PIAS1: variants seen among roughly 807,000 people sequenced by gnomAD.
PIAS1 encodes protein inhibitor of activated STAT 1.
A neutral mutation model predicts 71.3 loss-of-function variants in PIAS1; 6 were observed. The observed-to-expected ratio is 0.08, with a 90% confidence interval of 0.05 to 0.17. The LOEUF (loss-of-function observed/expected upper bound fraction) is 0.17, where lower values mean the gene tolerates loss of function less well. PIAS1 is among the 10% of genes least tolerant of loss of function. The probability of loss-of-function intolerance (pLI) is 1.00; values close to 1 mark genes in which losing one functional copy is unlikely to be tolerated. For synonymous variants in PIAS1, 303 were observed against 292.9 expected (o/e 1.03, Z -0.35); for missense variants, 555 against 793.6 (o/e 0.70, Z 3.61).
intron 2 of PIAS1, among the ~76,000 whole-genome samples, chr15:68,106,017 C>T (rs1215775607): frequency 6.6e-6 from 1 of 151,992 alleles, no homozygotes; most frequent in East Asian, 1.9e-4. Flanking sequence ...TTTACCAGTC[C>T]ATTTCAGTTC....
chr15:68,058,326 C>G (rs1222674748), intron 1 of PIAS1, among the ~76,000 whole-genome samples: 1 of 152,098 alleles, frequency 6.6e-6, no homozygotes, highest in Non-Finnish European at 1.5e-5. Flanking sequence ...TAGTACTTTG[C>G]AGTTCATAAT....
intron 4 of PIAS1, among the ~76,000 whole-genome samples, chr15:68,142,697 C>T (rs2092780475): frequency 6.7e-6 from 1 of 150,204 alleles, no homozygotes; most frequent in South Asian, 2.1e-4. Flanking sequence ...TTTGATTGCC[C>T]TCAGTTGGTT....
intron 7 of PIAS1, among the ~76,000 whole-genome samples, chr15:68,163,810 C>A (rs570804151): frequency 3.3e-5 from 5 of 152,286 alleles, no homozygotes; most frequent in African/African-American, 1.2e-4. Context: ...ACCCAACTTA[C>A]GGCCCCTTTG....
chr15:68,183,496 T>C, intron 12 of PIAS1, 134 bp from the exon 13 acceptor site: 1 of 580,138 alleles, frequency 1.7e-6, no homozygotes. Flanking sequence ...AACGTTTAGC[T>C]CAACTCTTCA....
chr15:68,160,859 G>T (rs1011251853), intron 7 of PIAS1, among the ~76,000 whole-genome samples: 10 of 152,122 alleles, frequency 6.6e-5, no homozygotes, highest in African/African-American at 2.4e-4. Flanking sequence ...CATCACTAAT[G>T]GTCTAAAACT....
At chr15:68,121,290 A>G (rs1361953271) in intron 2 of PIAS1, among the ~76,000 whole-genome samples, 1 of 151,310 alleles carries the variant, frequency 6.6e-6, no homozygotes, top group Non-Finnish European at 1.5e-5. Context: ...TGGCACTTCA[A>G]AAATTTTACT....
intron 1 of PIAS1, among the ~76,000 whole-genome samples, chr15:68,080,578 A>G (rs1201211967): frequency 6.6e-6 from 1 of 152,242 alleles, no homozygotes; most frequent in Non-Finnish European, 1.5e-5. Flanking sequence ...ACAGATTGCT[A>G]ATAGCTGCTT....
Position 68,054,542 on chromosome 15 carries a change from TCGGGGGCGCTGA to T in PIAS1, c.24+197_24+208del. ...CGGCGGGCCGCGGGCCCCGGGTGCC[TCGGGGGCGCTGA>T]CGGGTCGTCCCCGGCGTGTTATTGT... On this transcript the variant is annotated intron_variant, in intron 1 of 13. Coordinates refer to ENST00000249636, the MANE Select transcript of PIAS1 (RefSeq NM_016166.3). The surrounding 1 kb of genome is among the most constrained non-coding windows in gnomAD (Gnocchi z 4.6). The T allele has an allele frequency of 2.0e-6, 1 of 503,772 alleles. No individual in the cohort carries two copies. 31.2% of individuals were successfully genotyped at this position (503,772 alleles called of 1,614,324 possible).
At chr15:68,142,071 A>G (rs1343501352) in intron 3 of PIAS1, 41 bp downstream of exon 3, 3 of 1,295,042 alleles carry the variant, frequency 2.3e-6, no homozygotes, top group Non-Finnish European at 3.3e-6. Flanking sequence ...TGACCTTTGA[A>G]TCCAGTAGTC....
chr15:68,074,890 A>G (rs2092141353), intron 1 of PIAS1, among the ~76,000 whole-genome samples: 1 of 151,446 alleles, frequency 6.6e-6, no homozygotes, highest in Non-Finnish European at 1.5e-5. Context: ...ATATGTTAAA[A>G]TGGATGCTAA....
chr15:68,153,610 T>C lies in PIAS1; in HGVS notation c.849T>C (p.Tyr283=). The change falls in exon 7 of 14, where the codon TAT becomes TAC. Residue 283 remains tyrosine, a synonymous_variant. Transcript: ENST00000249636. ...TCCAGAACTATTCCATGGCAGTATA[T>C]CTTGTAAAACAGTTGTCCTCAACAG... ...EIGRNYSMAV[Y]LVKQLSSTVL... 1 of 1,560,414 alleles carries C rather than the reference T, an allele frequency of 6.4e-7. No homozygotes were observed. The highest frequency in any genetic ancestry group is 8.8e-7 in the Non-Finnish European group (1 of 1,133,982).
At chr15:68,151,856 T>G (rs1318005781) in intron 6 of PIAS1, among the ~76,000 whole-genome samples, 1 of 149,490 alleles carries the variant, frequency 6.7e-6, no homozygotes, top group Admixed American at 6.7e-5. Context: ...CGAGACTCTG[T>G]CTCAAATTAA....
rs1195914359 is a variant in PIAS1, at chr15:68,187,181, A to G, written c.1663-361A>G. 2.6e-5 allele frequency among the ~76,000 whole-genome samples: 4 copies of G among 152,292 alleles called. No individual in the cohort carries two copies. The highest frequency in any genetic ancestry group is 7.2e-5 in the African/African-American group (3 of 41,558). On this transcript the variant is annotated intron_variant, in intron 13 of 13. Transcript: ENST00000249636. This position sits in a 1 kb window ranked among gnomAD's most constrained non-coding sequence, Gnocchi z 5.3. ...GGCAGTGAGTCATATTGACTGATAG[A>G]TTTCTTGGCTAAGTATCTCCTTACT...
intron 2 of PIAS1, among the ~76,000 whole-genome samples, chr15:68,118,777 T>C (rs1042543466): frequency 3.9e-5 from 6 of 152,216 alleles, no homozygotes; most frequent in Non-Finnish European, 5.9e-5. Context: ...ATGTATGTCT[T>C]CTTTTAAGAA....
intron 6 of PIAS1, 123 bp from the exon 7 acceptor site, chr15:68,153,467 C>T: frequency 1.7e-6 from 1 of 584,838 alleles, no homozygotes; most frequent in East Asian, 2.9e-5. Flanking sequence ...ACACCTAAGA[C>T]TGCTTGACAC....
chr15:68,119,163 G>A (rs2092591792), intron 2 of PIAS1, among the ~76,000 whole-genome samples: 1 of 147,576 alleles, frequency 6.8e-6, no homozygotes, highest in African/African-American at 2.5e-5. Context: ...ATTTCGGGAG[G>A]CCGAGGTGGG....
chr15:68,130,128 T>C (rs1001647813), intron 2 of PIAS1, among the ~76,000 whole-genome samples: 4 of 151,910 alleles, frequency 2.6e-5, no homozygotes, highest in African/African-American at 4.8e-5. Flanking sequence ...AAATATTTCA[T>C]ATACCCCATA....
At chr15:68,126,327 T>C (rs902500497) in intron 2 of PIAS1, among the ~76,000 whole-genome samples, 49 of 152,218 alleles carry the variant, frequency 3.2e-4, no homozygotes, top group African/African-American at 1.2e-3. Context: ...TCCTGAACTT[T>C]ATTGTCCAGC....
At chr15:68,161,928 C>CA (rs924845295) in intron 7 of PIAS1, among the ~76,000 whole-genome samples, 4 of 150,152 alleles carry the variant, frequency 2.7e-5, no homozygotes, top group African/African-American at 9.8e-5. Context: ...GACTCTGTCT[C>CA]AAAAAAAATT....
Sources: allele counts gnomAD v4.1 joint callset (sites outside exome capture counted in the v4.1 genomes callset), GRCh38; gene constraint gnomAD v4.1.1; non-coding constraint Gnocchi (gnomAD v3.1); transcripts MANE v1.5; gene names NCBI Gene and HGNC (gene_info 2026-07-23, HGNC 2026-07-21).